The following ROBO2 variants were observed in gnomAD, a reference collection of about 807,000 sequenced individuals.
The protein encoded by ROBO2 is roundabout guidance receptor 2.
Under a neutral mutation model 160.8 loss-of-function variants are expected in ROBO2, and 53 were observed. That is an observed-to-expected ratio of 0.33 (90% confidence interval 0.26 to 0.41). The LOEUF (loss-of-function observed/expected upper bound fraction) is 0.41, where lower values mean the gene tolerates loss of function less well. ROBO2 is among the 10% of genes least tolerant of loss of function. The pLI is 1.00. For synonymous variants in ROBO2, 664 were observed against 611.7 expected (o/e 1.09, Z -1.26); for missense variants, 1,577 against 1,722.4 (o/e 0.92, Z 1.49).
intron 2 of ROBO2, among the ~76,000 whole-genome samples, chr3:76,665,945 T>TTATATATAATATATACATATAA (rs1411282111): frequency 7.0e-6 from 1 of 141,982 alleles, no homozygotes; most frequent in African/African-American, 2.6e-5. Flanking sequence ...ATATAATATA[T>TTATATATAATATATACATATAA]TATATATAAT....
At chr3:76,943,883 A>C (rs1025308554) in intron 2 of ROBO2, among the ~76,000 whole-genome samples, 4 of 152,232 alleles carry the variant, frequency 2.6e-5, no homozygotes, top group Non-Finnish European at 5.9e-5. Flanking sequence ...TATAACCTCT[A>C]ATTTACAAAT....
chr3:77,103,344 T>C (rs1001555767), intron 2 of ROBO2, among the ~76,000 whole-genome samples: 1 of 152,048 alleles, frequency 6.6e-6, no homozygotes, highest in East Asian at 1.9e-4. Context: ...TTAAATGAGG[T>C]GCTGAACGCT....
At chr3:76,104,740 G>C (rs561834968) in intron 2 of ROBO2, among the ~76,000 whole-genome samples, 1 of 152,118 alleles carries the variant, frequency 6.6e-6, no homozygotes, top group Non-Finnish European at 1.5e-5. Flanking sequence ...CATTTCTAGC[G>C]AGTATGATGG....
chr3:76,048,791 A>G (rs556336457), intron 2 of ROBO2, among the ~76,000 whole-genome samples: 3 of 152,274 alleles, frequency 2.0e-5, no homozygotes, highest in South Asian at 4.2e-4. Flanking sequence ...CTGAAGATTG[A>G]CAGGAGAGTA....
intron 2 of ROBO2, among the ~76,000 whole-genome samples, chr3:76,876,017 C>T (rs1248247272): frequency 6.6e-6 from 1 of 151,840 alleles, no homozygotes; most frequent in East Asian, 1.9e-4. Context: ...CAGCATAATG[C>T]CCCATCTCAA....
chr3:77,189,217 T>G (rs151003429), intron 2 of ROBO2, among the ~76,000 whole-genome samples: 111 of 152,014 alleles, frequency 7.3e-4, no homozygotes, highest in African/African-American at 2.6e-3. Context: ...ATTATTGTAC[T>G]ACTTTGTTTT....
chr3:76,097,128 A>G (rs2069485177), intron 2 of ROBO2, among the ~76,000 whole-genome samples: 1 of 152,216 alleles, frequency 6.6e-6, no homozygotes, highest in Non-Finnish European at 1.5e-5. Context: ...GACTATCAAT[A>G]TGTCGTGGGA....
At chr3:76,702,114 A>G (rs1012778952) in intron 2 of ROBO2, among the ~76,000 whole-genome samples, 2 of 152,050 alleles carry the variant, frequency 1.3e-5, no homozygotes, top group African/African-American at 4.8e-5. Context: ...CTATATTTAA[A>G]TGGAACCTAT....
At chr3:77,468,097 A>C (rs886285291) in intron 2 of ROBO2, among the ~76,000 whole-genome samples, 23 of 152,322 alleles carry the variant, frequency 1.5e-4, no homozygotes, top group African/African-American at 5.5e-4. Flanking sequence ...ATGCCACGTG[A>C]ACAATTCTGT....
intron 2 of ROBO2, among the ~76,000 whole-genome samples, chr3:76,274,720 C>T (rs912053992): frequency 1.3e-5 from 2 of 151,796 alleles, no homozygotes; most frequent in African/African-American, 4.8e-5. Context: ...CACCTGTAGT[C>T]CCAGCTACTC....
chr3:76,386,524 T>A (rs552365609), intron 2 of ROBO2, among the ~76,000 whole-genome samples: 28 of 152,254 alleles, frequency 1.8e-4, no homozygotes, highest in Non-Finnish European at 3.5e-4. Context: ...AAGGGTTTTT[T>A]AGGGGTTTTT....
At chr3:76,803,085 C>G (rs907208700) in intron 2 of ROBO2, among the ~76,000 whole-genome samples, 2 of 152,060 alleles carry the variant, frequency 1.3e-5, no homozygotes, top group Non-Finnish European at 2.9e-5. Context: ...TTGCTGAAAA[C>G]AATTGTGATA....
At chr3:76,951,439 A>G (rs1474557220) in intron 2 of ROBO2, among the ~76,000 whole-genome samples, 1 of 152,150 alleles carries the variant, frequency 6.6e-6, no homozygotes, top group East Asian at 1.9e-4. Context: ...TTGAAATTAG[A>G]TTTACTTCCC....
intron 1 of ROBO2, among the ~76,000 whole-genome samples, chr3:75,933,830 T>C (rs907570815): frequency 5.3e-5 from 8 of 152,184 alleles, no homozygotes; most frequent in African/African-American, 1.9e-4. Context: ...GTGGTTCTAA[T>C]ACCTGGAAAC....
At chr3:76,819,976 G>A (rs1182884439) in intron 2 of ROBO2, among the ~76,000 whole-genome samples, 1 of 151,996 alleles carries the variant, frequency 6.6e-6, no homozygotes, top group Non-Finnish European at 1.5e-5. Flanking sequence ...CTATTTTTCT[G>A]TGTGTTCTAA....
intron 2 of ROBO2, among the ~76,000 whole-genome samples, chr3:76,916,632 C>T (rs1461155355): frequency 7.9e-5 from 12 of 151,354 alleles, no homozygotes; most frequent in African/African-American, 2.4e-5. Flanking sequence ...AGACACCACA[C>T]TGGGCCTGAT....
intron 2 of ROBO2, among the ~76,000 whole-genome samples, chr3:76,097,432 C>T (rs1030524823): frequency 6.6e-6 from 1 of 152,126 alleles, no homozygotes. Flanking sequence ...CATTAATATC[C>T]TTCTGCATAG....
chr3:77,348,870 C>CTT (rs2067979688), intron 2 of ROBO2, among the ~76,000 whole-genome samples: 3 of 152,140 alleles, frequency 2.0e-5, no homozygotes, highest in Non-Finnish European at 4.4e-5. Context: ...ACAGATGCAT[C>CTT]ACCTGTTGGC....
At chr3:76,215,001 C>T (rs1288184497) in intron 2 of ROBO2, among the ~76,000 whole-genome samples, 1 of 152,180 alleles carries the variant, frequency 6.6e-6, no homozygotes, top group Non-Finnish European at 1.5e-5. Context: ...ATTTGAGGCT[C>T]ACCAATATCT....
Sources: gnomAD v4.1 joint callset for allele counts (sites outside exome capture counted in the v4.1 genomes callset) on GRCh38, gnomAD v4.1.1 for gene constraint, MANE v1.5 for transcripts, NCBI Gene and HGNC (gene_info 2026-07-23, HGNC 2026-07-21) for gene names.